The following MST1R variants were observed in gnomAD, a reference collection of about 807,000 sequenced individuals.
The protein encoded by MST1R is macrophage-stimulating protein receptor.
Under a neutral mutation model 117.8 loss-of-function variants are expected in MST1R, and 99 were observed. That is an observed-to-expected ratio of 0.84 (90% CI 0.71 to 0.99). The LOEUF (loss-of-function observed/expected upper bound fraction) is 0.99, where lower values mean the gene tolerates loss of function less well. MST1R is among the 50% of genes least tolerant of loss of function. The probability of loss-of-function intolerance (pLI) is 0.00; values close to 1 mark genes in which losing one functional copy is unlikely to be tolerated. For missense variants in MST1R, 1,683 were observed against 1,840.2 expected (o/e 0.91, Z 1.56); for synonymous variants, 734 against 765.3 (o/e 0.96, Z 0.68).
chr3:49,897,487 G>C (rs1426828204), intron 6 of MST1R, 33 bp downstream of exon 6: 1 of 1,610,762 alleles, frequency 6.2e-7, no homozygotes. Context: ...CCATGCACTG[G>C]CCAAGGGCAC....
rs2082493645 is a variant in MST1R at position 49,896,872 on chromosome 3, A to G, written c.2202T>C (p.Leu734=). The change falls in exon 8 of 20, where the codon CTT becomes CTC. Residue 734 remains leucine (L), a synonymous_variant. Transcript: ENST00000296474. The part of the protein sequence containing the change: ...CLLARVSEGQ[L]LCATPPGATV... ...TGGCCCCAGGGGGTGTGGCACATAA[A>G]AGCTGCCCCTCACTGACCCTACAGG... The G allele has an allele frequency of 6.5e-7, 1 of 1,530,588 alleles. No homozygotes were observed. Among genetic ancestry groups the G allele is most frequent in the African/African-American group, 1.4e-5 (1 of 72,282 alleles). The allele number at this position is 1,530,588 out of a possible 1,614,324, so 94.8% of individuals were successfully genotyped here.
At chr3:49,890,680 G>A (rs1237010545) in intron 17 of MST1R, 30 bp from the exon 18 acceptor site, 13 of 1,585,682 alleles carry the variant, frequency 8.2e-6, no homozygotes, top group Non-Finnish European at 1.1e-5. Flanking sequence ...TCACACTTAG[G>A]ACTGGCCCTT....
At chr3:49,889,870 CT>C in intron 19 of MST1R, 53 bp downstream of exon 19, 1 of 1,608,512 alleles carries the variant, frequency 6.2e-7, no homozygotes, top group South Asian at 1.1e-5. Flanking sequence ...TCTCCTGTCT[CT>C]TCCATGTCTC....
chr3:49,895,861 C>A lies in MST1R; in HGVS notation c.2816G>T (p.Cys939Phe). The change falls in exon 12 of 20, where the codon TGT (cysteine) becomes TTT (phenylalanine). Residue 939 changes from cysteine to phenylalanine, a missense_variant. Coordinates refer to ENST00000296474, the MANE Select transcript of MST1R (RefSeq NM_002447.4). ...APLQVCVDGE[C>F]HILGRVVRPG... ...CCGCACCACTCTACCCAGGATATGA[C>A]ATTCACCATCTACGCAGACCTGGGG... 1.2e-6 allele frequency: 2 copies of A among 1,609,300 alleles called. No homozygotes were observed. Among genetic ancestry groups the A allele is most frequent in the Non-Finnish European group, 1.7e-6 (2 of 1,177,384 alleles).
chr3:49,891,047 C>T, intron 17 of MST1R, 150 bp downstream of exon 17: 1 of 711,500 alleles, frequency 1.4e-6, no homozygotes, highest in South Asian at 1.8e-5. Flanking sequence ...CCACAGTGTC[C>T]AGTCCAAGTC....
intron 18 of MST1R, 77 bp downstream of exon 18, chr3:49,890,408 A>G: frequency 6.7e-7 from 1 of 1,487,772 alleles, no homozygotes; most frequent in African/African-American, 1.4e-5. Flanking sequence ...GGCTCAGATC[A>G]TTCAGAGCTG....
rs1371719205 is a variant in MST1R at position 49,903,873 on chromosome 3, T to G, written c.-264A>C. 5.3e-5 allele frequency: 24 copies of G among 452,076 alleles called. No individual in the cohort carries two copies. Among genetic ancestry groups the G allele is most frequent in the South Asian group, 1.4e-4 (4 of 27,648 alleles). 28.0% of individuals were successfully genotyped at this position (452,076 alleles called of 1,614,324 possible). On this transcript the variant is annotated 5_prime_UTR_variant, in exon 1 of 20. Coordinates refer to ENST00000296474, the MANE Select transcript of MST1R (RefSeq NM_002447.4). ...TGCCGCCCCAGCCGCCGCTGTACACTGGCGCTTAGCGCTCAGCCGACCCGA... is the reference window on the plus strand; with the variant it reads ...TGCCGCCCCAGCCGCCGCTGTACACGGGCGCTTAGCGCTCAGCCGACCCGA...
chr3:49,895,968 G>A lies in MST1R; in HGVS notation c.2789C>T (p.Pro930Leu), dbSNP rs2082455490. The change falls in exon 11 of 20, where the codon CCA becomes CTA. Residue 930 changes from proline (P) to leucine (L), a missense_variant. By Grantham distance (98) the Pro-to-Leu change is moderately conservative (BLOSUM62 -3). Transcript: ENST00000296474. ...PSLQLGQDGA[P>L]LQVCVDGECH... is the part of the protein sequence containing the mutation. ...TCCAGCTGGGCTGCCTACCTGCAAT[G>A]GGGCACCATCCTGGCCAAGCTGCAG... 6.4e-7 allele frequency: 1 copy of A among 1,569,310 alleles called. No homozygotes were observed. Among genetic ancestry groups the A allele is most frequent in the African/African-American group, 1.4e-5 (1 of 74,064 alleles).
chr3:49,896,375 C>T lies in MST1R; in HGVS notation c.2469G>A (p.Leu823=), dbSNP rs998721059. The T allele has an allele frequency of 6.2e-6, 10 of 1,613,806 alleles. No individual in the cohort carries two copies. Among genetic ancestry groups the T allele is most frequent in the Non-Finnish European group, 4.2e-6 (5 of 1,179,950 alleles). Residue 823 remains leucine (L), a synonymous_variant, in exon 10 of 20, where the codon CTG becomes CTA. Coordinates refer to ENST00000296474, the MANE Select transcript of MST1R (RefSeq NM_002447.4). The part of the protein sequence containing the change: ...RCERQLPEQQ[L]CRLPEYVVRD... Reference sequence around the variant, plus strand: ...GGACCACATATTCAGGAAGGCGGCACAGCTGCTGCTCTGGAAGCTGCCTCT... The same window carrying T: ...GGACCACATATTCAGGAAGGCGGCATAGCTGCTGCTCTGGAAGCTGCCTCT...
rs1340997992 is a variant in MST1R, at chr3:49,896,811, C to A, written c.2263G>T (p.Gly755Cys). Residue 755 changes from glycine (G) to cysteine (C), a missense_variant, in exon 8 of 20, where the codon GGT becomes TGT. Coordinates refer to ENST00000296474, the MANE Select transcript of MST1R (RefSeq NM_002447.4). Reference sequence around the variant, plus strand: ...GTCCAGGAACCAGGTACCTGGGCACCCCCCACCTGCAGGCTAAGGGGGACA... The same window carrying A: ...GTCCAGGAACCAGGTACCTGGGCACACCCCACCTGCAGGCTAAGGGGGACA... ...ASVPLSLQVG[G>C]AQVPGSWTFQ... 1 of 1,559,532 alleles carries A rather than the reference C, an allele frequency of 6.4e-7. No homozygotes were observed. Among genetic ancestry groups the A allele is most frequent in the Non-Finnish European group, 8.7e-7 (1 of 1,150,844 alleles).
At position 49,889,970 on chromosome 3, in the gene MST1R, C is replaced by T. The variant is rs1263755936; in HGVS notation, c.3901G>A (p.Ala1301Thr). The T allele has an allele frequency of 6.2e-7, 1 of 1,614,096 alleles. No individual in the cohort carries two copies. Among genetic ancestry groups the T allele is most frequent in the Non-Finnish European group, 8.5e-7 (1 of 1,179,992 alleles). Reference protein sequence around the residue: ...IDPFDLTHFLAQGRRLPQPEY... With the variant: ...IDPFDLTHFLTQGRRLPQPEY... ...GGCTGGGGCAGGCGCCGACCCTGGG[C>T]CAGGAAGTGGGTAAGGTCAAAAGGG... Residue 1301 changes from alanine to threonine, a missense_variant, in exon 19 of 20, where the codon GCC (alanine) becomes ACC (threonine). Coordinates refer to ENST00000296474, the MANE Select transcript of MST1R (RefSeq NM_002447.4).
At position 49,903,561 on chromosome 3, in the gene MST1R, A is replaced by ACAG; in HGVS notation, c.46_48dup (p.Leu17dup). On this transcript the variant is annotated inframe_insertion, in exon 1 of 20. Transcript: ENST00000296474. ...TCGCCCGCCGCGGGCTTGGCAGGCA[A>ACAG]CAGCAGCAGCAACAGGAAGGACTGA... The ACAG allele has an allele frequency of 6.3e-7, 1 of 1,592,032 alleles. No homozygotes were observed. The highest frequency in any genetic ancestry group is 8.5e-7 in the Non-Finnish European group (1 of 1,174,232).
chr3:49,893,318 A>T lies in MST1R; in HGVS notation c.3272-1480T>A, dbSNP rs565280308. The stretch of plus-strand genomic sequence containing the variant: ...AAATAAATAAATAAATAAATAAATA[A>T]ATAGGCTGGATACAGTGGCTCACGC... On this transcript the variant is annotated intron_variant, in intron 14 of 19. Coordinates refer to ENST00000296474, the MANE Select transcript of MST1R (RefSeq NM_002447.4). Among the ~76,000 whole-genome samples, 6 of 105,444 alleles carry T rather than the reference A, an allele frequency of 5.7e-5. No individual in the cohort carries two copies. In the South Asian group the frequency reaches 1.7e-3, roughly 30 times the overall value. 69.2% of individuals were successfully genotyped at this position (105,444 alleles called of 152,430 possible).
At chr3:49,898,494 T>C (rs761285184) in intron 4 of MST1R, 24 bp downstream of exon 4, 19 of 1,610,656 alleles carry the variant, frequency 1.2e-5, no homozygotes, top group Non-Finnish European at 1.5e-5. Context: ...CACTCTTACC[T>C]GTGCCCTGCC....
At chr3:49,898,424 C>A (rs1019915972) in intron 4 of MST1R, 94 bp downstream of exon 4, 8 of 1,512,246 alleles carry the variant, frequency 5.3e-6, no homozygotes, top group Non-Finnish European at 6.3e-6. Context: ...GGACACCCCC[C>A]AGACCTGAGA....
At chr3:49,888,004 C>A (rs2082211731) in intron 19 of MST1R, among the ~76,000 whole-genome samples, 1 of 152,238 alleles carries the variant, frequency 6.6e-6, no homozygotes, top group Admixed American at 6.5e-5. Flanking sequence ...AATTAAAAAT[C>A]CTGAAGTGGC....
Position 49,895,287 on chromosome 3 carries a change from G to A in MST1R, c.3151C>T (p.Leu1051=). 6.2e-7 allele frequency: 1 copy of A among 1,614,228 alleles called. No homozygotes were observed. Among genetic ancestry groups the A allele is most frequent in the Non-Finnish European group, 8.5e-7 (1 of 1,180,050 alleles). Residue 1051 remains leucine (L), a synonymous_variant, in exon 14 of 20, where the codon CTG becomes TTG. Transcript: ENST00000296474. ...SDSEDESCVP[L]LRKESIQLRD... Reference sequence around the variant, plus strand: ...AGCTGGATGGACTCTTTCCGCAGCAGTGGCACACAGGATTCATCTTCACTA... The same window carrying A: ...AGCTGGATGGACTCTTTCCGCAGCAATGGCACACAGGATTCATCTTCACTA...
In MST1R at chr3:49,902,909, G is replaced by A. The variant is rs1224367583; in HGVS notation, c.701C>T (p.Ala234Val). 3.7e-6 allele frequency: 6 copies of A among 1,613,384 alleles called. No individual in the cohort carries two copies. The highest frequency in any genetic ancestry group is 1.6e-4 in the Middle Eastern group (1 of 6,084). Residue 234 changes from alanine to valine, a missense_variant, in exon 1 of 20, where the codon GCG (alanine) becomes GTG (valine). Ala to Val is a moderately conservative substitution (Grantham distance 64). Coordinates refer to ENST00000296474, the MANE Select transcript of MST1R (RefSeq NM_002447.4). ...DASGFAPGFV[A>V]LSVLPKHLVS... The stretch of plus-strand genomic sequence containing the variant: ...AAGATGCTTGGGCAGCACTGACAAC[G>A]CCACAAAGCCCGGTGCGAATCCCGA...
chr3:49,888,536 A>G (rs2082227952), intron 19 of MST1R, among the ~76,000 whole-genome samples: 1 of 150,990 alleles, frequency 6.6e-6, no homozygotes, highest in Non-Finnish European at 1.5e-5. Flanking sequence ...TGGGAGGCAG[A>G]GGTTGCAGTG....
Sources: allele counts gnomAD v4.1 joint callset (sites outside exome capture counted in the v4.1 genomes callset), GRCh38; gene constraint gnomAD v4.1.1; transcripts MANE v1.5; gene names NCBI Gene and HGNC (gene_info 2026-07-23, HGNC 2026-07-21).